The following FGD5 variants were observed in gnomAD, a reference collection of about 807,000 sequenced individuals.
FGD5 encodes the protein FYVE, RhoGEF and PH domain containing 5, also known as FYVE, RhoGEF and PH domain-containing protein 5.
In FGD5, 28 loss-of-function variants were observed where a neutral mutation model predicts 133.4. The ratio of observed to expected loss-of-function variants is 0.21; its 90% CI spans 0.16 to 0.29. The LOEUF is 0.29. Among genes scored for constraint, FGD5 ranks in the 10% least tolerant of loss-of-function variants. The pLI is 1.00. For missense variants in FGD5, 1,858 were observed against 1,895.2 expected (o/e 0.98, Z 0.36); for synonymous variants, 810 against 776.5 (o/e 1.04, Z -0.72).
In FGD5 at chr3:14,924,033, G is replaced by T. The variant is rs775731676; in HGVS notation, c.3963G>T (p.Pro1321=). ...MRERPVSMSF[P]LSSPRFSGSA... The stretch of plus-strand genomic sequence containing the variant: ...AGCGGCCTGTGAGCATGAGCTTCCC[G>T]CTGTCTTCACCCCGCTTCTCGGGCA... Residue 1321 remains proline, a synonymous_variant, in exon 17 of 20, where the codon CCG becomes CCT. Transcript: ENST00000285046. The T allele has an allele frequency of 6.2e-7, 1 of 1,613,912 alleles. No homozygotes were observed. Among genetic ancestry groups the T allele is most frequent in the Middle Eastern group, 1.6e-4 (1 of 6,062 alleles).
intron 1 of FGD5, among the ~76,000 whole-genome samples, chr3:14,813,175 C>T (rs189734447): frequency 3.5e-4 from 53 of 152,106 alleles, no homozygotes; most frequent in East Asian, 1.5e-3. Context: ...AACTTCTCAA[C>T]GGCCCTATGA....
chr3:14,872,769 G>A (rs1043432037), intron 2 of FGD5, among the ~76,000 whole-genome samples: 1 of 152,238 alleles, frequency 6.6e-6, no homozygotes, highest in African/African-American at 2.4e-5. Context: ...TCCATGGTGG[G>A]TGGTCTCTTA....
chr3:14,877,553 G>A (rs983629332), intron 2 of FGD5, among the ~76,000 whole-genome samples: 2 of 152,224 alleles, frequency 1.3e-5, no homozygotes, highest in African/African-American at 4.8e-5. Context: ...GGAAACAGAG[G>A]CATCTGAGAG....
At position 14,921,981 on chromosome 3, in the gene FGD5, G is replaced by T. The variant is rs1360841698; in HGVS notation, c.3633G>T (p.Lys1211Asn). ...CLSRALPEDYKAQALAAFHHS... is the reference protein window; with the variant it reads ...CLSRALPEDYNAQALAAFHHS... The stretch of plus-strand genomic sequence containing the variant: ...GCAGAGCCCTCCCTGAGGACTACAA[G>T]GCCCAGGCGCTGGCTGCATTCCACC... Residue 1211 changes from lysine (K) to asparagine (N), a missense_variant, in exon 14 of 20, where the codon AAG (lysine) becomes AAT (asparagine). Lys to Asn is a moderately conservative substitution (Grantham distance 94). Transcript: ENST00000285046. 2 of 1,569,804 alleles carry T rather than the reference G, an allele frequency of 1.3e-6. No individual in the cohort carries two copies. Among genetic ancestry groups the T allele is most frequent in the Non-Finnish European group, 1.7e-6 (2 of 1,157,364 alleles).
intron 2 of FGD5, among the ~76,000 whole-genome samples, chr3:14,865,561 A>C: frequency 1.4e-5 from 2 of 147,646 alleles, no homozygotes. Flanking sequence ...CCTCTCACTC[A>C]TCTCCCCGCT....
Position 14,910,904 on chromosome 3 carries a change from A to G in FGD5, c.3380A>G (p.Asn1127Ser). The change falls in exon 11 of 20, where the codon AAC (asparagine) becomes AGC (serine). Residue 1127 changes from asparagine (N) to serine (S), a missense_variant. Transcript: ENST00000285046. The stretch of plus-strand genomic sequence containing the variant: ...ACGCTGATGAAAGTAACAGGGAAAA[A>G]CAGACGGCCCCGGCACCTATTTCTG... The part of the protein sequence containing the change: ...EGTLMKVTGK[N>S]RRPRHLFLMN... 1 of 1,613,328 alleles carries G rather than the reference A, an allele frequency of 6.2e-7. No individual in the cohort carries two copies. The highest frequency in any genetic ancestry group is 1.7e-4 in the Middle Eastern group (1 of 6,060).
chr3:14,825,712 A>T (rs1029014454), intron 1 of FGD5, among the ~76,000 whole-genome samples: 1 of 143,490 alleles, frequency 7.0e-6, no homozygotes, highest in South Asian at 2.2e-4. Context: ...ATGCTCACTT[A>T]AAAAAAAAAA....
chr3:14,873,733 T>C (rs79872703), intron 2 of FGD5, among the ~76,000 whole-genome samples: 11,843 of 142,958 alleles, frequency 0.083, 690 homozygotes, highest in East Asian at 0.25. Flanking sequence ...CTTTTTTTTT[T>C]CTTTTTTTTT....
chr3:14,878,420 A>T (rs940684693), intron 2 of FGD5, among the ~76,000 whole-genome samples: 2 of 151,598 alleles, frequency 1.3e-5, no homozygotes, highest in Admixed American at 6.6e-5. Context: ...GATTCTATAA[A>T]TTTTTTTTTC....
chr3:14,887,328 A>G (rs1212435267), intron 4 of FGD5, among the ~76,000 whole-genome samples: 1 of 152,034 alleles, frequency 6.6e-6, no homozygotes, highest in Non-Finnish European at 1.5e-5. Context: ...GTATCCAGTG[A>G]ATGAGTGATG....
At chr3:14,841,823 A>C (rs890436998) in intron 1 of FGD5, among the ~76,000 whole-genome samples, 1 of 152,088 alleles carries the variant, frequency 6.6e-6, no homozygotes, top group Non-Finnish European at 1.5e-5. Context: ...CTCCCTCAAG[A>C]GTGCTTGCTC....
rs1575261363 is a variant in FGD5, at chr3:14,922,453, A to C, written c.3712A>C (p.Thr1238Pro). 1 of 1,571,216 alleles carries C rather than the reference A, an allele frequency of 6.4e-7. No individual in the cohort carries two copies. Among genetic ancestry groups the C allele is most frequent in the Admixed American group, 1.9e-5 (1 of 53,692 alleles). The change falls in exon 15 of 20, where the codon ACC (threonine) becomes CCC (proline). Residue 1238 changes from threonine (T) to proline (P), a missense_variant. By Grantham distance (38) the Thr-to-Pro change is conservative. Transcript: ENST00000285046. This position sits in a 1 kb window ranked among gnomAD's most constrained non-coding sequence, Gnocchi z 4.1. ...GGTTAGCCTTGGGGAGAGGCCCCCC[A>C]CCCTGGTGCCTGTCACACACGTCAT... ...LGVSLGERPP[T>P]LVPVTHVMMC... is the part of the protein sequence containing the mutation.
At chr3:14,919,340 C>T (rs983897162) in intron 13 of FGD5, among the ~76,000 whole-genome samples, 7 of 152,174 alleles carry the variant, frequency 4.6e-5, no homozygotes, top group African/African-American at 7.2e-5. Flanking sequence ...AATACCAGGC[C>T]GGGCGCGGTG....
At chr3:14,865,404 A>C (rs1426507205) in intron 2 of FGD5, among the ~76,000 whole-genome samples, 2 of 152,212 alleles carry the variant, frequency 1.3e-5, no homozygotes, top group Non-Finnish European at 2.9e-5. Flanking sequence ...TTAAAAGTCC[A>C]TTGATCTCTC....
At chr3:14,927,464 A>AAATGAATG (rs144691501) in intron 18 of FGD5, among the ~76,000 whole-genome samples, 5 of 152,106 alleles carry the variant, frequency 3.3e-5, no homozygotes, top group South Asian at 2.1e-4. Flanking sequence ...ACGAAAAATA[A>AAATGAATG]AATGAATGAA....
At chr3:14,868,223 A>C (rs1575219214) in intron 2 of FGD5, among the ~76,000 whole-genome samples, 1 of 152,036 alleles carries the variant, frequency 6.6e-6, no homozygotes, top group Non-Finnish European at 1.5e-5. Context: ...CAGGCTAAAT[A>C]CCAGCTCCCC....
intron 17 of FGD5, among the ~76,000 whole-genome samples, chr3:14,924,434 CTTCA>C (rs1195624835): frequency 2.0e-5 from 3 of 152,158 alleles, no homozygotes; most frequent in Non-Finnish European, 4.4e-5. Flanking sequence ...CACGGGGGCT[CTTCA>C]TTCTAAAGGA....
intron 1 of FGD5, among the ~76,000 whole-genome samples, chr3:14,838,929 C>T (rs9846767): frequency 0.068 from 10,429 of 152,272 alleles, 413 homozygotes; most frequent in Non-Finnish European, 0.077. Context: ...CATTCACTGG[C>T]TACAAGTCCA....
chr3:14,906,195 A>C (rs1379290424), intron 9 of FGD5, among the ~76,000 whole-genome samples: 1 of 152,128 alleles, frequency 6.6e-6, no homozygotes, highest in Non-Finnish European at 1.5e-5. Context: ...GAGGCAGGCT[A>C]CTGCCCTGTG....
Sources: gnomAD v4.1 joint callset for allele counts (sites outside exome capture counted in the v4.1 genomes callset) on GRCh38, gnomAD v4.1.1 for gene constraint, Gnocchi (gnomAD v3.1) non-coding constraint, MANE v1.5 for transcripts, NCBI Gene and HGNC (gene_info 2026-07-23, HGNC 2026-07-21) for gene names.